Variants in AP2B1 observed in about 807,000 individuals in gnomAD.
The protein encoded by AP2B1 is adaptor related protein complex 2 subunit beta 1, also known as AP-2 complex subunit beta.
AP2B1 carries 23 observed loss-of-function variants against 102.0 expected under a neutral mutation model. That is an observed-to-expected ratio of 0.23 (90% CI 0.16 to 0.32). The LOEUF is 0.32. Ranked by LOEUF, AP2B1 falls within the 10% of genes least tolerant of loss-of-function variation. The pLI is 1.00. For missense variants in AP2B1, 541 were observed against 1,157.4 expected, an observed-to-expected ratio of 0.47 and a Z score of 7.73; for synonymous variants, 381 against 421.2, an observed-to-expected ratio of 0.90 and a Z score of 1.17.
intron 4 of AP2B1, 21 bp downstream of exon 4, chr17:35,605,861 A>C: frequency 6.2e-7 from 1 of 1,602,730 alleles, no homozygotes; most frequent in East Asian, 2.2e-5. Flanking sequence ...CCAAGGCCTC[A>C]ATAACAGAGT....
At chr17:35,674,067 G>A in intron 16 of AP2B1, 109 bp from the exon 17 acceptor site, 2 of 1,145,240 alleles carry the variant, frequency 1.7e-6, no homozygotes, top group Non-Finnish European at 2.5e-6. Flanking sequence ...CTAAGGAAGT[G>A]AATTTGTTCA....
At chr17:35,591,243 C>T (rs1372494043) in intron 1 of AP2B1, among the ~76,000 whole-genome samples, 1 of 151,286 alleles carries the variant, frequency 6.6e-6, no homozygotes, top group East Asian at 1.9e-4. Context: ...CCCAGCTACT[C>T]GGGAGGCTGA....
chr17:35,662,162 T>C lies in AP2B1; in HGVS notation c.1989+4371T>C, dbSNP rs191534183. 2.0e-5 allele frequency among the ~76,000 whole-genome samples: 3 copies of C among 152,352 alleles called. No individual in the cohort carries two copies. In the East Asian group the frequency reaches 5.8e-4, roughly 29 times the overall value. ...CTGTAGCTCCCCAGGTGATTGATTC[T>C]TGTATGCTTTTTTAAAGAAAGCAGA... is the stretch of plus-strand genomic sequence containing the variant. On this transcript the variant is annotated intron_variant, in intron 14 of 21. Coordinates refer to ENST00000610402, the MANE Select transcript of AP2B1 (RefSeq NM_001030006.2).
At chr17:35,663,217 A>G (rs1449551110) in intron 14 of AP2B1, among the ~76,000 whole-genome samples, 2 of 152,190 alleles carry the variant, frequency 1.3e-5, no homozygotes, top group African/African-American at 2.4e-5. Flanking sequence ...GTTGCCTGTT[A>G]AATTTCTCAG....
intron 10 of AP2B1, among the ~76,000 whole-genome samples, chr17:35,636,944 G>C (rs917855222): frequency 6.6e-6 from 1 of 152,112 alleles, no homozygotes. Context: ...GAGAATTACA[G>C]AACATGTAAC....
chr17:35,673,822 T>C (rs1222778287), intron 16 of AP2B1, among the ~76,000 whole-genome samples: 1 of 152,174 alleles, frequency 6.6e-6, no homozygotes, highest in Non-Finnish European at 1.5e-5. Context: ...AAAAACACAT[T>C]ATGCTCATTG....
At chr17:35,603,800 A>G (rs1209075606) in intron 3 of AP2B1, among the ~76,000 whole-genome samples, 1 of 152,220 alleles carries the variant, frequency 6.6e-6, no homozygotes, top group Non-Finnish European at 1.5e-5. Context: ...GATATGAAGA[A>G]TTATTGTTCC....
At chr17:35,590,782 A>C (rs1201581578) in intron 1 of AP2B1, among the ~76,000 whole-genome samples, 1 of 152,178 alleles carries the variant, frequency 6.6e-6, no homozygotes, top group Admixed American at 6.6e-5. Context: ...ATAGTAATAT[A>C]TTCCTTGACA....
chr17:35,723,877 T>G lies in AP2B1; in HGVS notation c.*178T>G. On this transcript the variant is annotated 3_prime_UTR_variant, in exon 22 of 22. Transcript: ENST00000610402. ...AACCTGTTGGATAGTTTTAGCTTCC[T>G]GTGAACATTTGTAACCACTGCTTCA... The G allele has an allele frequency of 1.9e-6, 1 of 516,154 alleles. No individual in the cohort carries two copies. The highest frequency in any genetic ancestry group is 3.2e-5 in the South Asian group (1 of 31,362). The allele number at this position is 516,154 out of a possible 1,614,324, so 32.0% of individuals were successfully genotyped here.
At chr17:35,651,462 ATGGG>A (rs2075084605) in intron 13 of AP2B1, among the ~76,000 whole-genome samples, 1 of 152,186 alleles carries the variant, frequency 6.6e-6, no homozygotes, top group African/African-American at 2.4e-5. Context: ...AACTCTTACA[ATGGG>A]TATCTCAGAA....
chr17:35,711,409 G>T (rs1555587406), intron 20 of AP2B1, among the ~76,000 whole-genome samples: 1 of 127,622 alleles, frequency 7.8e-6, no homozygotes, highest in Non-Finnish European at 1.7e-5. Context: ...AGCACAGAAA[G>T]CAAAAAAAAA....
chr17:35,695,685 C>T (rs2076128116), intron 18 of AP2B1, among the ~76,000 whole-genome samples: 1 of 152,144 alleles, frequency 6.6e-6, no homozygotes. Context: ...TAGCAGCCTA[C>T]AACAGAATTA....
intron 9 of AP2B1, among the ~76,000 whole-genome samples, chr17:35,633,252 C>G (rs1411952643): frequency 1.3e-5 from 2 of 151,406 alleles, no homozygotes; most frequent in African/African-American, 4.9e-5. Flanking sequence ...CCCAGCTACT[C>G]AGGAGGCTGA....
At chr17:35,720,660 G>A (rs1166465731) in intron 21 of AP2B1, among the ~76,000 whole-genome samples, 3 of 139,546 alleles carry the variant, frequency 2.1e-5, no homozygotes, top group Middle Eastern at 4.1e-3. Context: ...GGCCTTGAGC[G>A]ATCCTCCCAT....
At chr17:35,710,118 G>A (rs1555586775) in intron 19 of AP2B1, 116 bp from the exon 20 acceptor site, 1 of 738,928 alleles carries the variant, frequency 1.4e-6, no homozygotes, top group African/African-American at 1.7e-5. Context: ...TTCCCAGCCT[G>A]CTGCTAGCTG....
chr17:35,713,927 A>G (rs2076500775), intron 20 of AP2B1: 1 of 152,174 alleles, frequency 6.6e-6, no homozygotes, highest in Non-Finnish European at 1.5e-5. Context: ...GATCTGTATG[A>G]ATCTGTTTTA....
intron 18 of AP2B1, among the ~76,000 whole-genome samples, chr17:35,696,367 G>A (rs2076141747): frequency 6.6e-6 from 1 of 150,888 alleles, no homozygotes; most frequent in Admixed American, 6.6e-5. Context: ...ATGAAGAGAA[G>A]TAGGTTAATG....
intron 12 of AP2B1, among the ~76,000 whole-genome samples, chr17:35,646,647 G>A (rs1293955578): frequency 6.7e-6 from 1 of 148,216 alleles, no homozygotes; most frequent in African/African-American, 2.5e-5. Context: ...GTGCGGTGGT[G>A]CAATCTCAGC....
chr17:35,641,938 A>G lies in AP2B1; in HGVS notation c.1499A>G (p.Gln500Arg), dbSNP rs1567880561. The change falls in exon 12 of 22, where the codon CAG becomes CGG. Residue 500 changes from glutamine to arginine, a missense_variant. Coordinates refer to ENST00000610402, the MANE Select transcript of AP2B1 (RefSeq NM_001030006.2). ...KLFLKKPSETQELVQQVLSLA... is the reference protein window; with the variant it reads ...KLFLKKPSETRELVQQVLSLA... ...TTTCTCAAGAAACCATCAGAAACAC[A>G]GGAGCTAGTCCAGCAGGTCTTGAGT... The G allele has an allele frequency of 6.2e-7, 1 of 1,612,578 alleles. No homozygotes were observed.
Sources: gnomAD v4.1 joint callset for allele counts (sites outside exome capture counted in the v4.1 genomes callset) on GRCh38, gnomAD v4.1.1 for gene constraint, MANE v1.5 for transcripts, NCBI Gene and HGNC (gene_info 2026-07-23, HGNC 2026-07-21) for gene names.